Variants in ARHGAP15 observed in about 807,000 individuals in gnomAD.
ARHGAP15 encodes Rho GTPase activating protein 15.
Under a neutral mutation model 63.7 loss-of-function variants are expected in ARHGAP15, and 51 were observed. The observed-to-expected ratio is 0.80, with a 90% CI of 0.64 to 1.01. The LOEUF is 1.01. Among genes scored for constraint, ARHGAP15 ranks in the 50% least tolerant of loss-of-function variants. The pLI is 0.00. For missense variants in ARHGAP15, 560 were observed against 564.6 expected (o/e 0.99, Z 0.08); for synonymous variants, 191 against 193.8 (o/e 0.99, Z 0.12).
At chr2:143,279,550 A>C (rs1202081375) in intron 6 of ARHGAP15, among the ~76,000 whole-genome samples, 1 of 152,128 alleles carries the variant, frequency 6.6e-6, no homozygotes, top group East Asian at 1.9e-4. Flanking sequence ...AAAATCTTGA[A>C]TCTCTCATAA....
At position 143,191,174 on chromosome 2, in the gene ARHGAP15, G is replaced by A. The variant is rs192472014; in HGVS notation, c.166-10960G>A. Among the ~76,000 whole-genome samples, 157 of 152,198 alleles carry A rather than the reference G, an allele frequency of 1.0e-3. 1 individual carries two copies. Among genetic ancestry groups the A allele is most frequent in the African/African-American group, 3.6e-3 (150 of 41,514 alleles). On this transcript the variant is annotated intron_variant, in intron 2 of 13. Coordinates refer to ENST00000295095, the MANE Select transcript of ARHGAP15 (RefSeq NM_018460.4). ...AAACCCCAAGTATTATATATGCTAC[G>A]CAGGTCGAGGAACTAGTATCCAAAG...
intron 4 of ARHGAP15, among the ~76,000 whole-genome samples, chr2:143,224,599 T>C (rs1693132745): frequency 6.6e-6 from 1 of 152,234 alleles, no homozygotes; most frequent in Non-Finnish European, 1.5e-5. Context: ...CTATCCTGGC[T>C]AAGGCTTTTA....
At chr2:143,433,935 G>T (rs1212681690) in intron 6 of ARHGAP15, among the ~76,000 whole-genome samples, 2 of 152,008 alleles carry the variant, frequency 1.3e-5, no homozygotes, top group Non-Finnish European at 1.5e-5. Flanking sequence ...GTTTTCTTGT[G>T]TTAGAAATGA....
intron 6 of ARHGAP15, among the ~76,000 whole-genome samples, chr2:143,430,679 T>G (rs1028269430): frequency 6.6e-6 from 1 of 152,094 alleles, no homozygotes; most frequent in African/African-American, 2.4e-5. Flanking sequence ...TCATATTCAC[T>G]TCAAATAAAG....
At chr2:143,388,228 AAC>A (rs1445048118) in intron 6 of ARHGAP15, among the ~76,000 whole-genome samples, 7 of 152,230 alleles carry the variant, frequency 4.6e-5, no homozygotes, top group Admixed American at 6.5e-5. Context: ...CTTATGAAAT[AAC>A]AGTGTTCAAA....
chr2:143,528,181 C>G lies in ARHGAP15; in HGVS notation c.925+8817C>G, dbSNP rs368879736. Among the ~76,000 whole-genome samples the G allele has an allele frequency of 1.1e-3, 172 of 152,128 alleles. 1 individual carries two copies. Among genetic ancestry groups the G allele is most frequent in the African/African-American group, 4.0e-3 (166 of 41,536 alleles). The stretch of plus-strand genomic sequence containing the variant: ...TTAGGCATTGTTTCAATTCCAATAG[C>G]CTGCTGTTTTTAATCAAGTAACTGA... On this transcript the variant is annotated intron_variant, in intron 10 of 13. Transcript: ENST00000295095.
chr2:143,568,456 A>G (rs1696324131), intron 11 of ARHGAP15, among the ~76,000 whole-genome samples: 1 of 152,364 alleles, frequency 6.6e-6, no homozygotes, highest in East Asian at 1.9e-4. Flanking sequence ...AATAAAAACC[A>G]CAATGAGATA....
chr2:143,468,661 A>AGTGTGTGTGTGT (rs72252562), intron 8 of ARHGAP15, among the ~76,000 whole-genome samples: 7 of 133,850 alleles, frequency 5.2e-5, no homozygotes, highest in South Asian at 2.5e-4. Flanking sequence ...AGAGAGAGAG[A>AGTGTGTGTGTGT]GAGTGTGTGT....
Position 143,624,206 on chromosome 2 carries a change from C to G in ARHGAP15, c.1077C>G (p.Phe359Leu), listed in dbSNP as rs1698750301. Residue 359 changes from phenylalanine (F) to leucine (L), a missense_variant, in exon 12 of 14, where the codon TTC (phenylalanine) becomes TTG (leucine). Transcript: ENST00000295095. The part of the protein sequence containing the change: ...HVVTGALKMF[F>L]RELPEPLFPY... ...TCACCGGAGCACTGAAGATGTTTTT[C>G]CGGGAGCTGCCTGAGCCGCTCTTCC... is the stretch of plus-strand genomic sequence containing the variant. 1 of 1,613,460 alleles carries G rather than the reference C, an allele frequency of 6.2e-7. No homozygotes were observed.
chr2:143,680,464 A>G (rs1683050155), intron 12 of ARHGAP15, among the ~76,000 whole-genome samples: 2 of 152,268 alleles, frequency 1.3e-5, no homozygotes, highest in Non-Finnish European at 2.9e-5. Flanking sequence ...CTTGAGTTAA[A>G]TAAATGAGAG....
chr2:143,132,761 A>G (rs771849150), intron 1 of ARHGAP15, among the ~76,000 whole-genome samples: 1 of 152,256 alleles, frequency 6.6e-6, no homozygotes, highest in Non-Finnish European at 1.5e-5. Context: ...CTACGGAGTC[A>G]CGTATGGTCA....
intron 6 of ARHGAP15, among the ~76,000 whole-genome samples, chr2:143,385,122 A>T (rs539812676): frequency 6.6e-6 from 1 of 152,144 alleles, no homozygotes; most frequent in African/African-American, 2.4e-5. Context: ...TATAAACCAC[A>T]GTGAGGGAAT....
intron 12 of ARHGAP15, chr2:143,676,488 C>T (rs1440399187): frequency 6.6e-6 from 1 of 152,164 alleles, no homozygotes; most frequent in Non-Finnish European, 1.5e-5. Context: ...AAGAGGCATG[C>T]ACCTCTTTCT....
chr2:143,590,251 T>C (rs903722979), intron 11 of ARHGAP15, among the ~76,000 whole-genome samples: 1 of 152,228 alleles, frequency 6.6e-6, no homozygotes, highest in African/African-American at 2.4e-5. Context: ...AAAATTTCTG[T>C]TTCTCTTTAA....
chr2:143,646,300 G>GA (rs1371939451), intron 12 of ARHGAP15, among the ~76,000 whole-genome samples: 306 of 150,800 alleles, frequency 2.0e-3, no homozygotes, highest in African/African-American at 6.7e-3. Flanking sequence ...GAATGCAAAA[G>GA]AAAAAAAAAG....
intron 6 of ARHGAP15, among the ~76,000 whole-genome samples, chr2:143,261,310 T>A (rs1404300347): frequency 6.6e-6 from 1 of 150,914 alleles, no homozygotes; most frequent in Non-Finnish European, 1.5e-5. Context: ...GACAGCTGTA[T>A]CTTGGAGGAA....
At chr2:143,625,441 C>G (rs1443641755) in intron 12 of ARHGAP15, among the ~76,000 whole-genome samples, 1 of 151,810 alleles carries the variant, frequency 6.6e-6, no homozygotes, top group East Asian at 1.9e-4. Context: ...TGCTTGCTCA[C>G]AATTTCAGAT....
intron 6 of ARHGAP15, among the ~76,000 whole-genome samples, chr2:143,271,432 C>G (rs1681275003): frequency 6.6e-6 from 1 of 152,184 alleles, no homozygotes; most frequent in Non-Finnish European, 1.5e-5. Flanking sequence ...TTGTGGACAC[C>G]TTTTCTAGGA....
intron 6 of ARHGAP15, among the ~76,000 whole-genome samples, chr2:143,396,344 C>T (rs896759407): frequency 1.3e-5 from 2 of 151,964 alleles, no homozygotes; most frequent in African/African-American, 4.8e-5. Flanking sequence ...TGAAGCAAAC[C>T]ATAGCATCTT....
Sources: gnomAD v4.1 joint callset for allele counts (sites outside exome capture counted in the v4.1 genomes callset) on GRCh38, gnomAD v4.1.1 for gene constraint, MANE v1.5 for transcripts, NCBI Gene and HGNC (gene_info 2026-07-23, HGNC 2026-07-21) for gene names.